The following FBXL7 variants were observed in gnomAD, a reference collection of about 807,000 sequenced individuals.
FBXL7 encodes the protein F-box/LRR-repeat protein 7.
Under a neutral mutation model 38.3 loss-of-function variants are expected in FBXL7, and 12 were observed. The ratio of observed to expected loss-of-function variants is 0.31; its 90% CI spans 0.20 to 0.51. The LOEUF is 0.51. FBXL7 is among the 20% of genes least tolerant of loss of function. The probability of loss-of-function intolerance (pLI) is 0.98; values close to 1 mark genes in which losing one functional copy is unlikely to be tolerated. For synonymous variants in FBXL7, 297 were observed against 300.9 expected (o/e 0.99, Z 0.13); for missense variants, 567 against 676.4 (o/e 0.84, Z 1.79).
At chr5:15,848,714 C>A (rs761002289) in intron 2 of FBXL7, among the ~76,000 whole-genome samples, 24 of 152,128 alleles carry the variant, frequency 1.6e-4, no homozygotes, top group Non-Finnish European at 3.5e-4. Context: ...TAAGAGAGAA[C>A]TTTAAGTCAA....
At chr5:15,812,006 T>C (rs1350827693) in intron 2 of FBXL7, among the ~76,000 whole-genome samples, 1 of 152,214 alleles carries the variant, frequency 6.6e-6, no homozygotes, top group Non-Finnish European at 1.5e-5. Context: ...CAAAGGATTA[T>C]AAATCATTCT....
At chr5:15,766,981 T>G (rs1428933849) in intron 2 of FBXL7, among the ~76,000 whole-genome samples, 1 of 151,670 alleles carries the variant, frequency 6.6e-6, no homozygotes, top group South Asian at 2.1e-4. Flanking sequence ...TGTAATTTTC[T>G]TTTTTTTTCT....
chr5:15,936,346 C>A lies in FBXL7; in HGVS notation c.740-104C>A. 1.4e-6 allele frequency: 2 copies of A among 1,406,972 alleles called. No homozygotes were observed. Among genetic ancestry groups the A allele is most frequent in the Non-Finnish European group, 1.9e-6 (2 of 1,051,002 alleles). The allele number at this position is 1,406,972 out of a possible 1,614,324, so 87.2% of individuals were successfully genotyped here. On this transcript the variant is annotated intron_variant, in intron 3 of 3. Coordinates refer to ENST00000504595, the MANE Select transcript of FBXL7 (RefSeq NM_012304.5). This position sits in a 1 kb window ranked among gnomAD's most constrained non-coding sequence, Gnocchi z 6.0. ...AGACAGGAAAGGGTAACATCAGCCT[C>A]GGACCCAGACTTGGGCGAGGGTCAG...
chr5:15,568,208 C>A (rs1212628546), intron 1 of FBXL7, among the ~76,000 whole-genome samples: 1 of 151,954 alleles, frequency 6.6e-6, no homozygotes, highest in Non-Finnish European at 1.5e-5. Context: ...TTTACAGTCC[C>A]ACCAACAGTG....
intron 2 of FBXL7, among the ~76,000 whole-genome samples, chr5:15,748,704 T>C (rs553493186): frequency 6.6e-6 from 1 of 152,262 alleles, no homozygotes; most frequent in Admixed American, 6.5e-5. Context: ...CTAATTTTTT[T>C]TGTTTGTTTG....
At chr5:15,538,726 A>T (rs912327571) in intron 1 of FBXL7, among the ~76,000 whole-genome samples, 1 of 152,182 alleles carries the variant, frequency 6.6e-6, no homozygotes, top group African/African-American at 2.4e-5. Flanking sequence ...TCTGATTTTG[A>T]AAGGCCCTGC....
At chr5:15,822,052 C>T (rs927782730) in intron 2 of FBXL7, among the ~76,000 whole-genome samples, 17 of 151,924 alleles carry the variant, frequency 1.1e-4, no homozygotes, top group Admixed American at 1.1e-3. Context: ...ATCATGTCCC[C>T]TAAAACATGC....
At chr5:15,734,095 A>G (rs1306807925) in intron 2 of FBXL7, among the ~76,000 whole-genome samples, 1 of 147,486 alleles carries the variant, frequency 6.8e-6, no homozygotes, top group Non-Finnish European at 1.5e-5. Context: ...AGCCTGGGCT[A>G]TAGAGGAAGA....
At chr5:15,742,183 C>A (rs960404133) in intron 2 of FBXL7, among the ~76,000 whole-genome samples, 2 of 152,102 alleles carry the variant, frequency 1.3e-5, no homozygotes, top group African/African-American at 4.8e-5. Flanking sequence ...ATAGTTTGGT[C>A]TTTAATAAAT....
intron 1 of FBXL7, among the ~76,000 whole-genome samples, chr5:15,527,141 G>T (rs529387091): frequency 6.6e-6 from 1 of 152,210 alleles, no homozygotes; most frequent in African/African-American, 2.4e-5. Context: ...TTCAGCTTTT[G>T]TTTTGTTTTG....
chr5:15,529,684 G>C (rs745466706), intron 1 of FBXL7, among the ~76,000 whole-genome samples: 3 of 152,064 alleles, frequency 2.0e-5, no homozygotes, highest in Non-Finnish European at 4.4e-5. Flanking sequence ...CACCGTGCCC[G>C]GCCAACCTAA....
Position 15,830,433 on chromosome 5 carries a change from G to A in FBXL7, c.128-97457G>A, listed in dbSNP as rs141125911. Among the ~76,000 whole-genome samples the A allele has an allele frequency of 8.6e-5, 13 of 151,618 alleles. No homozygotes were observed. In the East Asian group the frequency reaches 1.8e-3, roughly 21 times the overall value. ...TGGGAGGCAGAGGTTGCAGTGAGCCGAGATCATGCCACTATACTCTAGCCT... is the reference window on the plus strand; with the variant it reads ...TGGGAGGCAGAGGTTGCAGTGAGCCAAGATCATGCCACTATACTCTAGCCT... On this transcript the variant is annotated intron_variant, in intron 2 of 3. Coordinates refer to ENST00000504595, the MANE Select transcript of FBXL7 (RefSeq NM_012304.5).
intron 2 of FBXL7, among the ~76,000 whole-genome samples, chr5:15,845,941 C>T (rs1480432977): frequency 6.6e-6 from 1 of 152,162 alleles, no homozygotes; most frequent in Admixed American, 6.5e-5. Context: ...CACTGCACTC[C>T]AGCCTGGGCA....
At chr5:15,643,306 G>A (rs768243275) in intron 2 of FBXL7, among the ~76,000 whole-genome samples, 12 of 152,152 alleles carry the variant, frequency 7.9e-5, no homozygotes, top group East Asian at 1.9e-4. Context: ...CTAGACGTGC[G>A]CATGCATTCT....
chr5:15,939,587 C>G lies in FBXL7; in HGVS notation c.*2401C>G, dbSNP rs73752392. On this transcript the variant is annotated 3_prime_UTR_variant, in exon 4 of 4. Transcript: ENST00000504595. Reference sequence around the variant, plus strand: ...TCTATGATGGAGGTTACTGGGGAAACAGCTCAGCAGATTTTTGGAGACCAA... The same window carrying G: ...TCTATGATGGAGGTTACTGGGGAAAGAGCTCAGCAGATTTTTGGAGACCAA... 9,158 of 152,638 alleles carry G rather than the reference C, an allele frequency of 0.06. 395 individuals are homozygous for G. Among genetic ancestry groups the G allele is most frequent in the African/African-American group, 0.13 (5,223 of 41,552 alleles). The allele number at this position is 152,638 out of a possible 1,614,324, so 9.5% of individuals were successfully genotyped here. A position where few individuals can be genotyped will look rare whatever the true frequency, so the allele number is the denominator to read the frequency against.
At chr5:15,829,558 T>G (rs1738400332) in intron 2 of FBXL7, among the ~76,000 whole-genome samples, 1 of 152,152 alleles carries the variant, frequency 6.6e-6, no homozygotes. Flanking sequence ...CATTCCTACA[T>G]TTTTTCTAAT....
Position 15,874,993 on chromosome 5 carries a change from A to G in FBXL7, c.128-52897A>G, listed in dbSNP as rs553312933. 8.5e-5 allele frequency among the ~76,000 whole-genome samples: 13 copies of G among 152,344 alleles called. 1 individual carries two copies. Among genetic ancestry groups the G allele is most frequent in the African/African-American group, 3.1e-4 (13 of 41,586 alleles). ...CAAAAAGAACAAAGCTGGAGGCATC[A>G]CGCTACCTGACTTCAAACTATACTA... On this transcript the variant is annotated intron_variant, in intron 2 of 3. Coordinates refer to ENST00000504595, the MANE Select transcript of FBXL7 (RefSeq NM_012304.5).
intron 1 of FBXL7, among the ~76,000 whole-genome samples, chr5:15,553,525 G>A (rs6889573): frequency 0.4 from 61,205 of 151,970 alleles, 13,170 homozygotes; most frequent in African/African-American, 0.55. Flanking sequence ...GGATACTATC[G>A]GGAATTTCTA....
In FBXL7 at chr5:15,702,551, G is replaced by A. The variant is rs367711733; in HGVS notation, c.127+86479G>A. On this transcript the variant is annotated intron_variant, in intron 2 of 3. Transcript: ENST00000504595. ...GTGCTTTTTTCTGTACTGAGTCACC[G>A]GTATTTTATTGAACAATATATTTTT... Among the ~76,000 whole-genome samples the A allele has an allele frequency of 7.3e-4, 111 of 151,870 alleles. 2 individuals carry two copies. The Middle Eastern group carries it at 0.02, about 28-fold the overall frequency.
Sources: allele counts gnomAD v4.1 joint callset (sites outside exome capture counted in the v4.1 genomes callset), GRCh38; gene constraint gnomAD v4.1.1; non-coding constraint Gnocchi (gnomAD v3.1); transcripts MANE v1.5; gene names NCBI Gene and HGNC (gene_info 2026-07-23, HGNC 2026-07-21).